The following RAD51B variants were observed in gnomAD, a reference collection of about 807,000 sequenced individuals.
The protein encoded by RAD51B is RAD51 paralog B.
RAD51B carries 38 observed loss-of-function variants against 42.2 expected under a neutral mutation model. The observed-to-expected ratio is 0.90, with a 90% CI of 0.70 to 1.18. RAD51B has a LOEUF of 1.18. RAD51B is among the 50% of genes most tolerant of loss of function. RAD51B has a pLI of 0.00. For missense variants in RAD51B, 373 were observed against 400.7 expected, an observed-to-expected ratio of 0.93 and a Z score of 0.59; for synonymous variants, 154 against 145.2, an observed-to-expected ratio of 1.06 and a Z score of -0.43.
intron 7 of RAD51B, among the ~76,000 whole-genome samples, chr14:68,078,189 A>T (rs2076863421): frequency 6.6e-6 from 1 of 152,106 alleles, no homozygotes; most frequent in Non-Finnish European, 1.5e-5. Context: ...AATAAAAAAA[A>T]GTTTTTTAAG....
At chr14:68,556,460 G>A (rs771518892) in intron 10 of RAD51B, among the ~76,000 whole-genome samples, 1 of 152,174 alleles carries the variant, frequency 6.6e-6, no homozygotes, top group Non-Finnish European at 1.5e-5. Flanking sequence ...GTGGAGTTCA[G>A]CCCAGGCTAC....
rs146488215 is a variant in RAD51B, at chr14:68,408,818, A to G, written c.854-2606A>G. Among the ~76,000 whole-genome samples, 1,024 of 152,332 alleles carry G rather than the reference A, an allele frequency of 6.7e-3. 6 individuals are homozygous for G. The highest frequency in any genetic ancestry group is 0.011 in the Non-Finnish European group (776 of 68,034). On this transcript the variant is annotated intron_variant, in intron 8 of 10. Coordinates refer to ENST00000471583, the MANE Select transcript of RAD51B (RefSeq NM_133510.4). ...ATAAATAAATAAGATGTGACTAACTATGAACTCACATTGCCACATGACAAC... is the reference window on the plus strand; with the variant it reads ...ATAAATAAATAAGATGTGACTAACTGTGAACTCACATTGCCACATGACAAC...
chr14:67,823,961 A>G (rs1191410461), intron 2 of RAD51B, among the ~76,000 whole-genome samples: 1 of 152,262 alleles, frequency 6.6e-6, no homozygotes. Context: ...AAAGCAAAAG[A>G]AATTAATAGA....
intron 11 of RAD51B, among the ~76,000 whole-genome samples, chr14:68,655,190 G>T (rs1892786646): frequency 6.6e-6 from 1 of 152,044 alleles, no homozygotes; most frequent in Non-Finnish European, 1.5e-5. Context: ...ACTCTCAGGA[G>T]CCCGGTGCTG....
intron 7 of RAD51B, among the ~76,000 whole-genome samples, chr14:68,205,884 G>A (rs1566728261): frequency 6.6e-6 from 1 of 152,146 alleles, no homozygotes; most frequent in Non-Finnish European, 1.5e-5. Context: ...AACCTTAGTA[G>A]AGTTATCAAC....
intron 3 of RAD51B, among the ~76,000 whole-genome samples, chr14:67,831,184 C>T (rs939776321): frequency 6.6e-6 from 1 of 151,952 alleles, no homozygotes; most frequent in Admixed American, 6.6e-5. Flanking sequence ...CAGTACTTGT[C>T]TAATTTAAGA....
chr14:68,270,162 T>C (rs2081077066), intron 7 of RAD51B, among the ~76,000 whole-genome samples: 1 of 152,238 alleles, frequency 6.6e-6, no homozygotes, highest in Non-Finnish European at 1.5e-5. Flanking sequence ...TTTAGTTTGT[T>C]ACATGCCCTG....
intron 7 of RAD51B, among the ~76,000 whole-genome samples, chr14:68,117,970 C>T (rs574981365): frequency 9.9e-5 from 15 of 152,268 alleles, no homozygotes; most frequent in African/African-American, 3.6e-4. Context: ...TTTTTTAAAT[C>T]AACCCCTCCC....
chr14:68,452,296 G>A (rs1053756608), intron 9 of RAD51B, among the ~76,000 whole-genome samples: 1 of 152,134 alleles, frequency 6.6e-6, no homozygotes, highest in African/African-American at 2.4e-5. Context: ...CTAGATTGAA[G>A]TTACCAAATT....
In RAD51B at chr14:68,123,697, A is replaced by G. The variant is rs140242588; in HGVS notation, c.757-168187A>G. Among the ~76,000 whole-genome samples the G allele has an allele frequency of 9.7e-3, 1,471 of 152,012 alleles. 23 individuals carry two copies. Among genetic ancestry groups the G allele is most frequent in the African/African-American group, 0.034 (1,406 of 41,472 alleles). On this transcript the variant is annotated intron_variant, in intron 7 of 10. Coordinates refer to ENST00000471583, the MANE Select transcript of RAD51B (RefSeq NM_133510.4). Reference sequence around the variant, plus strand: ...GTGGCGCACACCTGTAGTCCCAGCTACTCGGGAGGCTGAGGTGGGAGAATT... The same window carrying G: ...GTGGCGCACACCTGTAGTCCCAGCTGCTCGGGAGGCTGAGGTGGGAGAATT...
chr14:68,500,047 G>C (rs1490249878), intron 10 of RAD51B, among the ~76,000 whole-genome samples: 2 of 152,128 alleles, frequency 1.3e-5, no homozygotes, highest in Non-Finnish European at 2.9e-5. Flanking sequence ...TGGGGTCTGA[G>C]GTGAACTTTC....
intron 7 of RAD51B, among the ~76,000 whole-genome samples, chr14:67,993,343 G>T (rs554301123): frequency 3.3e-5 from 5 of 151,824 alleles, no homozygotes; most frequent in Middle Eastern, 3.4e-3. Context: ...CCTCCATCCC[G>T]CTACACTCCC....
At chr14:67,840,200 G>C (rs1247629353) in intron 4 of RAD51B, among the ~76,000 whole-genome samples, 1 of 152,118 alleles carries the variant, frequency 6.6e-6, no homozygotes, top group African/African-American at 2.4e-5. Context: ...GTGATGCTGA[G>C]GTTTGGGGTA....
At chr14:68,537,769 GT>G (rs141990631) in intron 10 of RAD51B, among the ~76,000 whole-genome samples, 9 of 151,282 alleles carry the variant, frequency 5.9e-5, no homozygotes, top group Non-Finnish European at 8.9e-5. Context: ...GTCTATGGCA[GT>G]TTTTTTTTCT....
At chr14:68,626,726 C>T (rs1390991105) in intron 10 of RAD51B, among the ~76,000 whole-genome samples, 1 of 152,216 alleles carries the variant, frequency 6.6e-6, no homozygotes, top group Non-Finnish European at 1.5e-5. Flanking sequence ...TATTGCAAAG[C>T]TTCTTACAAC....
chr14:68,117,923 A>AG (rs1235799853), intron 7 of RAD51B, among the ~76,000 whole-genome samples: 1 of 152,224 alleles, frequency 6.6e-6, no homozygotes, highest in Non-Finnish European at 1.5e-5. Flanking sequence ...GGACTATAGA[A>AG]GAAAACAGTC....
At chr14:68,300,097 A>G (rs1349852049) in intron 8 of RAD51B, among the ~76,000 whole-genome samples, 1 of 152,188 alleles carries the variant, frequency 6.6e-6, no homozygotes, top group East Asian at 1.9e-4. Flanking sequence ...GAAGGGAGGT[A>G]AATACCCAAA....
At chr14:67,884,333 T>C (rs2043001567) in intron 5 of RAD51B, among the ~76,000 whole-genome samples, 1 of 152,124 alleles carries the variant, frequency 6.6e-6, no homozygotes, top group Admixed American at 6.6e-5. Flanking sequence ...ATCCAGAAAA[T>C]TGTCAGCTGT....
At chr14:67,901,614 G>A (rs1197008767) in intron 7 of RAD51B, among the ~76,000 whole-genome samples, 4 of 152,160 alleles carry the variant, frequency 2.6e-5, no homozygotes, top group South Asian at 4.1e-4. Context: ...ACAGCATGAC[G>A]CAGTAGAAGG....
Sources: allele counts gnomAD v4.1 joint callset (sites outside exome capture counted in the v4.1 genomes callset), GRCh38; gene constraint gnomAD v4.1.1; transcripts MANE v1.5; gene names NCBI Gene and HGNC (gene_info 2026-07-23, HGNC 2026-07-21).